The following SNTG1 variants were observed in gnomAD, a reference collection of about 807,000 sequenced individuals.
The protein encoded by SNTG1 is gamma-1-syntrophin.
In SNTG1, 39 loss-of-function variants were observed where a neutral mutation model predicts 74.7. That is an observed-to-expected ratio of 0.52 (90% CI 0.40 to 0.68). SNTG1 has a LOEUF of 0.68. Ranked by LOEUF, SNTG1 falls within the 30% of genes least tolerant of loss-of-function variation. SNTG1 has a pLI of 0.00. For missense variants in SNTG1, 685 were observed against 609.5 expected, an observed-to-expected ratio of 1.12 and a Z score of -1.30; for synonymous variants, 254 against 217.1, an observed-to-expected ratio of 1.17 and a Z score of -1.49.
At chr8:50,738,948 A>G (rs879274156) in intron 17 of SNTG1, among the ~76,000 whole-genome samples, 3 of 152,150 alleles carry the variant, frequency 2.0e-5, no homozygotes, top group Non-Finnish European at 4.4e-5. Context: ...AAGACGTAAA[A>G]CCATAAAAAC....
intron 8 of SNTG1, among the ~76,000 whole-genome samples, chr8:50,464,788 A>T (rs2093595004): frequency 6.6e-6 from 1 of 151,998 alleles, no homozygotes; most frequent in Admixed American, 6.6e-5. Flanking sequence ...CACTGATCAC[A>T]GGTCACCATA....
chr8:49,982,281 T>G (rs1248486622), intron 1 of SNTG1, among the ~76,000 whole-genome samples: 1 of 152,164 alleles, frequency 6.6e-6, no homozygotes, highest in Non-Finnish European at 1.5e-5. Context: ...AGTTGGCATC[T>G]GAATCCTTCA....
At chr8:50,030,027 A>G (rs1817615730) in intron 1 of SNTG1, among the ~76,000 whole-genome samples, 2 of 152,010 alleles carry the variant, frequency 1.3e-5, no homozygotes, top group South Asian at 4.1e-4. Context: ...CTTACCGTTT[A>G]GATAAAAGCC....
At chr8:50,068,973 C>T (rs543046383) in intron 1 of SNTG1, among the ~76,000 whole-genome samples, 145 of 152,194 alleles carry the variant, frequency 9.5e-4, no homozygotes, top group African/African-American at 3.4e-3. Flanking sequence ...GTACATTGTT[C>T]TTGACAAAAT....
At chr8:50,595,255 C>A (rs1248142644) in intron 13 of SNTG1, among the ~76,000 whole-genome samples, 1 of 151,934 alleles carries the variant, frequency 6.6e-6, no homozygotes, top group Non-Finnish European at 1.5e-5. Flanking sequence ...TATTTCATAA[C>A]ACTTGGTGAT....
At chr8:50,729,540 T>G (rs1371987487) in intron 17 of SNTG1, among the ~76,000 whole-genome samples, 3 of 151,370 alleles carry the variant, frequency 2.0e-5, no homozygotes, top group African/African-American at 7.4e-5. Flanking sequence ...TCCCCTCCAG[T>G]GATGGGGGTC....
intron 1 of SNTG1, among the ~76,000 whole-genome samples, chr8:50,099,131 G>A (rs1364618345): frequency 6.6e-6 from 1 of 152,100 alleles, no homozygotes; most frequent in Non-Finnish European, 1.5e-5. Context: ...CAGACTCTGT[G>A]TTACTTGAAC....
chr8:50,711,608 C>T (rs2131560466), intron 17 of SNTG1, among the ~76,000 whole-genome samples: 1 of 152,154 alleles, frequency 6.6e-6, no homozygotes, highest in East Asian at 1.9e-4. Flanking sequence ...GTATGCTAAA[C>T]GTTTGGATAT....
Position 50,704,752 on chromosome 8 carries a change from G to C in SNTG1, c.1191G>C (p.Gln397His), listed in dbSNP as rs752575417. 1.2e-6 allele frequency: 2 copies of C among 1,614,016 alleles called. No individual in the cohort carries two copies. The highest frequency in any genetic ancestry group is 3.3e-5 in the Admixed American group (2 of 59,990). ...CCTTTCTAGAAGTAGAACGGATACA[G>C]GTGAGAGTCTGTGGGACTGCAGGAT... is the stretch of plus-strand genomic sequence containing the variant. ...TATFLEVERI[Q>H]CKTYACVLES... Residue 397 changes from glutamine (Q) to histidine (H), a missense_variant and splice_region_variant, in exon 16 of 19, where the codon CAG becomes CAC. By Grantham distance (24) the Gln-to-His change is conservative (BLOSUM62 0). Transcript: ENST00000642720.
In SNTG1 at chr8:50,334,966, A is replaced by C. The variant is rs566424583; in HGVS notation, c.-27-59246A>C. On this transcript the variant is annotated intron_variant, in intron 2 of 18. Coordinates refer to ENST00000642720, the MANE Select transcript of SNTG1 (RefSeq NM_018967.5). ...CTCTTCTGCTAGATTATACTTACAA[A>C]GGAGACTATTTTTGTTCACTGTAAT... is the stretch of plus-strand genomic sequence containing the variant. 8.5e-5 allele frequency among the ~76,000 whole-genome samples: 13 copies of C among 152,320 alleles called. 1 individual carries two copies. The highest frequency in any genetic ancestry group is 3.1e-4 in the African/African-American group (13 of 41,580).
At chr8:50,399,210 AGTGTGTGT>A (rs5891363) in intron 3 of SNTG1, among the ~76,000 whole-genome samples, 1 of 150,944 alleles carries the variant, frequency 6.6e-6, no homozygotes, top group Non-Finnish European at 1.5e-5. Flanking sequence ...TGTGTTTGTG[AGTGTGTGT>A]GTGTGTGTGT....
At chr8:49,943,280 A>C (rs1808865782) in intron 1 of SNTG1, among the ~76,000 whole-genome samples, 1 of 129,624 alleles carries the variant, frequency 7.7e-6, no homozygotes, top group Middle Eastern at 3.9e-3. Flanking sequence ...ACAAAAAGGG[A>C]TCCTTCGATC....
intron 1 of SNTG1, among the ~76,000 whole-genome samples, chr8:50,047,307 C>T (rs1403539255): frequency 6.6e-6 from 1 of 151,824 alleles, no homozygotes; most frequent in Admixed American, 6.6e-5. Context: ...CCACCATGCT[C>T]TAGCCTTGGT....
At chr8:50,502,659 G>A in intron 8 of SNTG1, 119 bp from the exon 9 acceptor site, 2 of 724,198 alleles carry the variant, frequency 2.8e-6, no homozygotes, top group Admixed American at 2.8e-5. Flanking sequence ...TTTATAAAAT[G>A]TTTCTGAATA....
rs569209102 is a variant in SNTG1, at chr8:50,249,337, G to C, written c.-28+76702G>C. On this transcript the variant is annotated intron_variant, in intron 2 of 18. Transcript: ENST00000642720. ...CATTGGAGCAGAGTTCTGCATAGCAGCAAAACTGCATGCACCTGTCCCCAC... is the reference window on the plus strand; with the variant it reads ...CATTGGAGCAGAGTTCTGCATAGCACCAAAACTGCATGCACCTGTCCCCAC... Among the ~76,000 whole-genome samples, 3 of 152,326 alleles carry C rather than the reference G, an allele frequency of 2.0e-5. No homozygotes were observed. The South Asian group carries it at 6.2e-4, about 32-fold the overall frequency.
chr8:50,361,805 C>T (rs1017298658), intron 2 of SNTG1, among the ~76,000 whole-genome samples: 2 of 152,132 alleles, frequency 1.3e-5, no homozygotes, highest in Admixed American at 6.5e-5. Flanking sequence ...GGCTACACAC[C>T]TGTACAGCAC....
At chr8:50,772,977 C>T (rs1206766984) in intron 18 of SNTG1, among the ~76,000 whole-genome samples, 1 of 152,086 alleles carries the variant, frequency 6.6e-6, no homozygotes, top group South Asian at 2.1e-4. Context: ...AGCCTGAAAC[C>T]TTCACCAGAT....
chr8:50,708,112 C>A (rs2095449964), intron 16 of SNTG1: 1 of 209,414 alleles, frequency 4.8e-6, no homozygotes, highest in Non-Finnish European at 9.4e-6. Flanking sequence ...GAGGGAAGAG[C>A]ATTTATTGAA....
At chr8:50,370,550 T>C (rs1483795051) in intron 2 of SNTG1, among the ~76,000 whole-genome samples, 2 of 151,928 alleles carry the variant, frequency 1.3e-5, no homozygotes, top group Admixed American at 6.6e-5. Context: ...GGGAGCAGCC[T>C]CCCCACCTGC....
Sources: gnomAD v4.1 joint callset for allele counts (sites outside exome capture counted in the v4.1 genomes callset) on GRCh38, gnomAD v4.1.1 for gene constraint, MANE v1.5 for transcripts, NCBI Gene and HGNC (gene_info 2026-07-23, HGNC 2026-07-21) for gene names.